ATP2C2: variants seen among roughly 807,000 people sequenced by gnomAD.
ATP2C2 encodes the protein ATPase secretory pathway Ca2+ transporting 2.
In ATP2C2, 171 loss-of-function variants were observed where a neutral mutation model predicts 110.8. The observed-to-expected ratio is 1.54, with a 90% confidence interval of 1.36 to 1.75. The LOEUF is 1.75. Ranked by LOEUF, ATP2C2 falls within the 40% of genes most tolerant of loss-of-function variation. The pLI is 0.00. For synonymous variants in ATP2C2, 804 were observed against 508.4 expected (o/e 1.58, Z -7.82); for missense variants, 1,963 against 1,235.0 (o/e 1.59, Z -8.84).
At chr16:84,419,644 T>TCCC (rs201716486) in intron 7 of ATP2C2, among the ~76,000 whole-genome samples, 1 of 40,780 alleles carries the variant, frequency 2.5e-5, no homozygotes, top group Non-Finnish European at 6.4e-5. Flanking sequence ...CCCTCCTCCC[T>TCCC]TCCCTTGGGG....
chr16:84,451,452 C>T (rs905507081), intron 17 of ATP2C2, among the ~76,000 whole-genome samples: 1 of 152,208 alleles, frequency 6.6e-6, no homozygotes, highest in Admixed American at 6.5e-5. Flanking sequence ...GGCCTGAGAG[C>T]CGCTGGAGGC....
intron 14 of ATP2C2, 58 bp from the exon 15 acceptor site, chr16:84,442,452 G>A (rs1255618992): frequency 3.9e-6 from 6 of 1,551,640 alleles, no homozygotes; most frequent in Non-Finnish European, 4.4e-6. Context: ...GGCCCACAAT[G>A]TCTAACTTTT....
At chr16:84,446,844 C>A (rs770136634) in intron 16 of ATP2C2, among the ~76,000 whole-genome samples, 1 of 152,248 alleles carries the variant, frequency 6.6e-6, no homozygotes, top group East Asian at 1.9e-4. Context: ...TAACACCAGT[C>A]GCCAACTTGC....
chr16:84,412,419 T>C (rs1229741171), intron 6 of ATP2C2, among the ~76,000 whole-genome samples: 2 of 150,764 alleles, frequency 1.3e-5, no homozygotes, highest in Admixed American at 6.7e-5. Flanking sequence ...TGTGTCTGTG[T>C]ATGTGTGTGC....
chr16:84,430,841 T>C (rs1219181664), intron 11 of ATP2C2, among the ~76,000 whole-genome samples: 2 of 151,952 alleles, frequency 1.3e-5, no homozygotes, highest in Admixed American at 6.6e-5. Context: ...GATCAGGGCA[T>C]GGAAGAGACA....
chr16:84,389,274 C>T (rs755589526), intron 1 of ATP2C2, among the ~76,000 whole-genome samples: 2 of 152,210 alleles, frequency 1.3e-5, no homozygotes, highest in Non-Finnish European at 2.9e-5. Flanking sequence ...GTACCTCTCT[C>T]AACTGCTTTC....
intron 6 of ATP2C2, among the ~76,000 whole-genome samples, chr16:84,413,319 C>G (rs375349289): frequency 2.6e-4 from 40 of 152,190 alleles, no homozygotes; most frequent in East Asian, 1.2e-3. Context: ...GATACGGTCC[C>G]GCGTCTCAAA....
At chr16:84,420,998 G>T (rs1333400627) in intron 7 of ATP2C2, among the ~76,000 whole-genome samples, 1 of 152,064 alleles carries the variant, frequency 6.6e-6, no homozygotes. Flanking sequence ...TAGAGACAGG[G>T]TTTCACTGTG....
chr16:84,408,622 G>A, intron 4 of ATP2C2, 128 bp downstream of exon 4: 1 of 715,436 alleles, frequency 1.4e-6, no homozygotes, highest in African/African-American at 1.8e-5. Context: ...ACAGAAGAAA[G>A]AAAGGAAAGC....
intron 7 of ATP2C2, among the ~76,000 whole-genome samples, chr16:84,419,641 C>T (rs945784180): frequency 2.4e-5 from 1 of 42,150 alleles, no homozygotes; most frequent in South Asian, 6.8e-4. Flanking sequence ...CCTCCCTCCT[C>T]CCTTCCCTTG....
chr16:84,460,340 G>A (rs545666845), intron 23 of ATP2C2: 26 of 375,756 alleles, frequency 6.9e-5, no homozygotes, highest in Middle Eastern at 3.6e-4. Context: ...TTCTCCAGGC[G>A]CAACGTTGGG....
At chr16:84,454,786 C>G (rs1910632310) in intron 20 of ATP2C2, 32 bp from the exon 21 acceptor site, 5 of 1,552,070 alleles carry the variant, frequency 3.2e-6, no homozygotes, top group Non-Finnish European at 4.3e-6. Context: ...GGTCGTCAGG[C>G]TGCAGGCCTT....
chr16:84,435,142 G>C (rs1199081759), intron 11 of ATP2C2, among the ~76,000 whole-genome samples: 2 of 152,224 alleles, frequency 1.3e-5, no homozygotes, highest in African/African-American at 2.4e-5. Flanking sequence ...ATTGGAATTT[G>C]TTGCCAACAT....
At chr16:84,445,773 G>A (rs560755062) in intron 15 of ATP2C2, among the ~76,000 whole-genome samples, 1 of 152,352 alleles carries the variant, frequency 6.6e-6, no homozygotes, top group Non-Finnish European at 1.5e-5. Context: ...CTACGTAAAA[G>A]GAGTAGTTTT....
At chr16:84,463,573 T>G (rs1256105827) in intron 26 of ATP2C2, 41 bp from the exon 27 acceptor site, 3 of 1,558,636 alleles carry the variant, frequency 1.9e-6, no homozygotes, top group Non-Finnish European at 2.7e-6. Context: ...GCAACAGAGC[T>G]GCAGCCCGTC....
At chr16:84,413,572 G>T (rs772388152) in intron 6 of ATP2C2, among the ~76,000 whole-genome samples, 1 of 152,222 alleles carries the variant, frequency 6.6e-6, no homozygotes, top group Non-Finnish European at 1.5e-5. Context: ...TATGTGATTT[G>T]ATGATCCGAT....
intron 1 of ATP2C2, among the ~76,000 whole-genome samples, chr16:84,384,555 A>C (rs574200439): frequency 9.2e-5 from 14 of 152,234 alleles, no homozygotes; most frequent in African/African-American, 3.1e-4. Context: ...AATTAAAGCT[A>C]TTACTTTCTC....
rs1426596484 is a variant in ATP2C2, at chr16:84,454,853, T to C, written c.2016T>C (p.Thr672=). 1.9e-6 allele frequency: 3 copies of C among 1,612,584 alleles called. No individual in the cohort carries two copies. The highest frequency in any genetic ancestry group is 1.7e-5 in the Admixed American group (1 of 59,656). The change falls in exon 21 of 27, where the codon ACT becomes ACC. Residue 672 remains threonine (T), a synonymous_variant. Transcript: ENST00000262429. ...AGTCAGGGGCGATCGTGGCCATGAC[T>C]GGGGATGGGGTGAACGACGCAGTGG... ...LQESGAIVAM[T]GDGVNDAVAL... is the part of the protein sequence containing the mutation.
intron 13 of ATP2C2, 54 bp from the exon 14 acceptor site, chr16:84,440,803 G>T: frequency 7.1e-7 from 1 of 1,401,166 alleles, no homozygotes; most frequent in African/African-American, 1.4e-5. Flanking sequence ...GGGCCAACTG[G>T]GGGAGCATGT....
Sources: allele counts gnomAD v4.1 joint callset (sites outside exome capture counted in the v4.1 genomes callset), GRCh38; gene constraint gnomAD v4.1.1; transcripts MANE v1.5; gene names NCBI Gene and HGNC (gene_info 2026-07-23, HGNC 2026-07-21).